The following FOXP1 variants were observed in gnomAD, a reference collection of about 807,000 sequenced individuals.
FOXP1 encodes the protein forkhead box protein P1.
Under a neutral mutation model 98.2 loss-of-function variants are expected in FOXP1, and 15 were observed. The observed-to-expected ratio is 0.15, with a 90% CI of 0.10 to 0.24. The LOEUF (loss-of-function observed/expected upper bound fraction) is 0.24, where lower values mean the gene tolerates loss of function less well. FOXP1 is among the 10% of genes least tolerant of loss of function. FOXP1 has a pLI of 1.00. For missense variants in FOXP1, 633 were observed against 848.5 expected, an observed-to-expected ratio of 0.75 and a Z score of 3.15; for synonymous variants, 371 against 314.5, an observed-to-expected ratio of 1.18 and a Z score of -1.90.
chr3:71,444,735 A>T (rs1208559935), intron 3 of FOXP1, among the ~76,000 whole-genome samples: 9 of 152,164 alleles, frequency 5.9e-5, no homozygotes, highest in Admixed American at 5.2e-4. Flanking sequence ...GGCCTACCCA[A>T]GGCTCAGAGG....
intron 3 of FOXP1, among the ~76,000 whole-genome samples, chr3:71,447,624 A>C (rs558967667): frequency 6.3e-4 from 96 of 152,318 alleles, no homozygotes; most frequent in African/African-American, 2.3e-3. Flanking sequence ...GATGAGGTTC[A>C]CGCTAGCAGC....
chr3:71,191,486 C>T (rs2062976602), intron 6 of FOXP1, among the ~76,000 whole-genome samples: 1 of 152,200 alleles, frequency 6.6e-6, no homozygotes, highest in Non-Finnish European at 1.5e-5. Flanking sequence ...CTTTCTATTA[C>T]CACATTCTCC....
chr3:71,288,052 G>C (rs113453431), intron 5 of FOXP1, among the ~76,000 whole-genome samples: 34,995 of 151,742 alleles, frequency 0.23, 4,402 homozygotes, highest in Middle Eastern at 0.31. Context: ...GGCTAATTTT[G>C]TATTTTTAGT....
intron 3 of FOXP1, among the ~76,000 whole-genome samples, chr3:71,477,488 T>C (rs1292693290): frequency 2.6e-5 from 4 of 152,116 alleles, no homozygotes; most frequent in Admixed American, 2.0e-4. Context: ...AGCTCTCTAT[T>C]ATTTATAGCA....
chr3:71,207,766 C>G (rs984644277), intron 5 of FOXP1, among the ~76,000 whole-genome samples: 4 of 152,066 alleles, frequency 2.6e-5, no homozygotes, highest in Non-Finnish European at 5.9e-5. Context: ...ATGATGCGAG[C>G]TGAGAGTTTT....
chr3:71,013,611 G>A (rs1443288258), intron 12 of FOXP1, among the ~76,000 whole-genome samples: 2 of 152,120 alleles, frequency 1.3e-5, no homozygotes, highest in East Asian at 3.9e-4. Context: ...TCGCCATCAA[G>A]CTACCAATGA....
intron 6 of FOXP1, among the ~76,000 whole-genome samples, chr3:71,114,183 C>T (rs552858836): frequency 3.2e-4 from 49 of 152,230 alleles, no homozygotes; most frequent in South Asian, 1.0e-3. Flanking sequence ...GGACTTATGA[C>T]GGTAGTGTGT....
At chr3:71,455,280 A>G (rs1394271990) in intron 3 of FOXP1, among the ~76,000 whole-genome samples, 2 of 152,104 alleles carry the variant, frequency 1.3e-5, no homozygotes, top group Non-Finnish European at 2.9e-5. Context: ...GTACATCCCT[A>G]CGTATAGACA....
intron 5 of FOXP1, among the ~76,000 whole-genome samples, chr3:71,233,690 C>CA (rs1255357414): frequency 4.0e-5 from 6 of 151,246 alleles, no homozygotes; most frequent in African/African-American, 7.3e-5. Flanking sequence ...GGCCTCGCAC[C>CA]CCCCCAGCTG....
At chr3:71,252,231 G>C (rs930015050) in intron 5 of FOXP1, among the ~76,000 whole-genome samples, 2 of 152,150 alleles carry the variant, frequency 1.3e-5, no homozygotes, top group Non-Finnish European at 2.9e-5. Context: ...TTGTGGCCCA[G>C]AGGGAAAAGT....
intron 6 of FOXP1, among the ~76,000 whole-genome samples, chr3:71,147,804 T>TA (rs1184629240): frequency 1.8e-4 from 27 of 149,824 alleles, no homozygotes; most frequent in African/African-American, 5.6e-4. Flanking sequence ...TTTAAAATAG[T>TA]AAAAAAAAAA....
At chr3:71,538,634 T>C (rs368955183) in intron 2 of FOXP1, among the ~76,000 whole-genome samples, 2 of 152,208 alleles carry the variant, frequency 1.3e-5, no homozygotes, top group African/African-American at 2.4e-5. Flanking sequence ...TGTACAAGCT[T>C]TTCTGTAGAT....
chr3:71,106,922 G>T (rs1024734524), intron 7 of FOXP1, among the ~76,000 whole-genome samples: 5 of 151,726 alleles, frequency 3.3e-5, no homozygotes, highest in Admixed American at 2.6e-4. Context: ...TACAGGCACC[G>T]GGCCCGGCTA....
At chr3:71,118,893 C>T (rs1430582489) in intron 6 of FOXP1, among the ~76,000 whole-genome samples, 1 of 152,140 alleles carries the variant, frequency 6.6e-6, no homozygotes, top group African/African-American at 2.4e-5. Flanking sequence ...CAAACGGAGT[C>T]AAGGACTTTT....
intron 6 of FOXP1, among the ~76,000 whole-genome samples, chr3:71,190,969 A>C (rs897266869): frequency 3.9e-5 from 6 of 152,262 alleles, no homozygotes; most frequent in African/African-American, 1.4e-4. Flanking sequence ...AATTCCCTAC[A>C]TAAACTTCCT....
intron 3 of FOXP1, among the ~76,000 whole-genome samples, chr3:71,366,191 ATC>A (rs1297997766): frequency 6.6e-6 from 1 of 152,126 alleles, no homozygotes; most frequent in Non-Finnish European, 1.5e-5. Context: ...ACAGAGAGAT[ATC>A]TTTTTTTAAA....
intron 18 of FOXP1, chr3:70,972,154 C>T (rs753331301): frequency 1.3e-6 from 2 of 1,531,306 alleles, no homozygotes; most frequent in Non-Finnish European, 8.7e-7. Context: ...AGCACTTATG[C>T]AGTGAGAGGT....
chr3:71,367,873 A>G lies in FOXP1; in HGVS notation c.-167-8629T>C, dbSNP rs7649488. ...CTAGTTAGTCCTCTGCAATACCACC[A>G]AACTTTTTCCCAGAGTTGTCAACTC... On this transcript the variant is annotated intron_variant, in intron 3 of 20. Coordinates refer to ENST00000649528, the MANE Select transcript of FOXP1 (RefSeq NM_001349338.3). Among the ~76,000 whole-genome samples the G allele has an allele frequency of 4.9e-3, 740 of 152,320 alleles. 7 individuals carry two copies. The highest frequency in any genetic ancestry group is 0.017 in the African/African-American group (709 of 41,578).
chr3:71,494,537 T>C (rs1298824700), intron 2 of FOXP1, among the ~76,000 whole-genome samples: 1 of 152,214 alleles, frequency 6.6e-6, no homozygotes, highest in Non-Finnish European at 1.5e-5. Context: ...TCCCGGCGGC[T>C]GGCAGCATCC....
Sources: gnomAD v4.1 joint callset for allele counts (sites outside exome capture counted in the v4.1 genomes callset) on GRCh38, gnomAD v4.1.1 for gene constraint, MANE v1.5 for transcripts, NCBI Gene and HGNC (gene_info 2026-07-23, HGNC 2026-07-21) for gene names.